The following CHST8 variants were observed in gnomAD, a reference collection of about 807,000 sequenced individuals.
CHST8 encodes GALNAC-4-ST1.
In CHST8, 10 loss-of-function variants were observed where a neutral mutation model predicts 15.0. That is an observed-to-expected ratio of 0.67 (90% CI 0.41 to 1.13). The LOEUF is 1.13. Among genes scored for constraint, CHST8 ranks in the 50% most tolerant of loss-of-function variants. CHST8 has a pLI of 0.00. For missense variants in CHST8, 634 were observed against 608.2 expected (o/e 1.04, Z -0.45); for synonymous variants, 259 against 256.6 (o/e 1.01, Z -0.09).
chr19:33,655,966 G>C (rs560310421), intron 1 of CHST8, among the ~76,000 whole-genome samples: 1 of 151,978 alleles, frequency 6.6e-6, no homozygotes, highest in African/African-American at 2.4e-5. Context: ...ATCTGTCCAG[G>C]TCATGTATTA....
At chr19:33,642,296 C>A (rs752081371) in intron 1 of CHST8, among the ~76,000 whole-genome samples, 1 of 151,604 alleles carries the variant, frequency 6.6e-6, no homozygotes, top group Non-Finnish European at 1.5e-5. Flanking sequence ...AGCAGAGGGC[C>A]CCCCCCCACT....
rs74829759 is a variant in CHST8 at position 33,707,733 on chromosome 19, T to C, written c.130+18342T>C. Among the ~76,000 whole-genome samples the C allele has an allele frequency of 6.0e-3, 907 of 152,362 alleles. 9 individuals are homozygous for C. The highest frequency in any genetic ancestry group is 0.021 in the African/African-American group (876 of 41,578). On this transcript the variant is annotated intron_variant, in intron 3 of 4. Transcript: ENST00000650847. The stretch of plus-strand genomic sequence containing the variant: ...CTATGAACATTCATGTGAAAGTTTT[T>C]ATGCAAACCTATGTTTTCATTTTTC...
At chr19:33,686,739 C>T (rs539253970) in intron 2 of CHST8, among the ~76,000 whole-genome samples, 11 of 152,356 alleles carry the variant, frequency 7.2e-5, no homozygotes, top group African/African-American at 2.6e-4. Context: ...AGGAAGCGCA[C>T]CCACACCGTG....
chr19:33,714,983 C>T (rs1973638285), intron 3 of CHST8, among the ~76,000 whole-genome samples: 1 of 152,186 alleles, frequency 6.6e-6, no homozygotes, highest in Non-Finnish European at 1.5e-5. Flanking sequence ...ATCCAGCCAG[C>T]CCCTCCCTCC....
intron 1 of CHST8, among the ~76,000 whole-genome samples, chr19:33,639,794 T>TA (rs1972255182): frequency 1.3e-5 from 2 of 152,018 alleles, no homozygotes; most frequent in South Asian, 4.2e-4. Context: ...CTTATGATTC[T>TA]AAAATCAGGG....
intron 2 of CHST8, among the ~76,000 whole-genome samples, chr19:33,671,292 C>T (rs767924703): frequency 3.3e-5 from 5 of 152,090 alleles, no homozygotes; most frequent in Admixed American, 2.0e-4. Flanking sequence ...TGAAAAGCAC[C>T]GATTTTCACA....
Position 33,643,995 on chromosome 19 carries a change from C to T in CHST8, c.-164+21699C>T, listed in dbSNP as rs543980611. ...TCACCCAGGCTGGAGTGCAGTGGCT[C>T]GATCTCAGCCCACTGCAACCTCCAC... On this transcript the variant is annotated intron_variant, in intron 1 of 4. Transcript: ENST00000650847. Among the ~76,000 whole-genome samples, 15 of 152,222 alleles carry T rather than the reference C, an allele frequency of 9.9e-5. No individual in the cohort carries two copies. The East Asian group carries it at 2.5e-3, about 25-fold the overall frequency.
intron 1 of CHST8, among the ~76,000 whole-genome samples, chr19:33,646,490 A>G (rs562266390): frequency 9.1e-4 from 138 of 152,346 alleles, no homozygotes; most frequent in African/African-American, 3.1e-3. Context: ...TGTTATCTAC[A>G]GGAGCAGTTG....
At chr19:33,678,364 T>C (rs1972837136) in intron 2 of CHST8, among the ~76,000 whole-genome samples, 1 of 152,134 alleles carries the variant, frequency 6.6e-6, no homozygotes, top group African/African-American at 2.4e-5. Flanking sequence ...CCAAGAGACT[T>C]TTGTTCTGCC....
At chr19:33,757,544 GA>G (rs1568358945) in intron 3 of CHST8, among the ~76,000 whole-genome samples, 1 of 105,222 alleles carries the variant, frequency 9.5e-6, no homozygotes, top group Admixed American at 9.5e-5. Context: ...AAGAAAGAAA[GA>G]AAGAAAGAAA....
intron 3 of CHST8, among the ~76,000 whole-genome samples, chr19:33,727,877 C>T (rs560382323): frequency 1.3e-5 from 2 of 152,378 alleles, no homozygotes; most frequent in South Asian, 2.1e-4. Context: ...TCGGCCTCCA[C>T]TGACTGCTGG....
intron 4 of CHST8, 116 bp downstream of exon 4, chr19:33,771,566 C>A (rs1004787819): frequency 1.3e-4 from 136 of 1,029,988 alleles, no homozygotes; most frequent in Non-Finnish European, 1.9e-4. Flanking sequence ...AAAATGTGTC[C>A]AGCCTTTCCC....
At chr19:33,751,504 C>T (rs188637266) in intron 3 of CHST8, among the ~76,000 whole-genome samples, 92 of 152,224 alleles carry the variant, frequency 6.0e-4, no homozygotes, top group African/African-American at 2.2e-3. Context: ...TCCCCAGGGA[C>T]CCAGTGTGGG....
At chr19:33,727,760 C>T (rs542815931) in intron 3 of CHST8, among the ~76,000 whole-genome samples, 1 of 152,236 alleles carries the variant, frequency 6.6e-6, no homozygotes, top group South Asian at 2.1e-4. Context: ...TGGATCTGCT[C>T]CCTGGAGAAG....
At chr19:33,634,435 A>T (rs1372114047) in intron 1 of CHST8, among the ~76,000 whole-genome samples, 3 of 152,124 alleles carry the variant, frequency 2.0e-5, no homozygotes, top group African/African-American at 7.2e-5. Flanking sequence ...CATTGTGGAA[A>T]CGTCTGGCAG....
intron 3 of CHST8, among the ~76,000 whole-genome samples, chr19:33,709,670 A>T (rs1292493568): frequency 1.3e-5 from 2 of 150,584 alleles, no homozygotes; most frequent in South Asian, 2.1e-4. Context: ...TGATGTCTTT[A>T]TCTGGCTTTG....
chr19:33,759,511 C>T (rs1380298768), intron 3 of CHST8, among the ~76,000 whole-genome samples: 15 of 152,166 alleles, frequency 9.9e-5, no homozygotes. Flanking sequence ...GCCTCTACCC[C>T]TCTTTCCCTG....
intron 3 of CHST8, among the ~76,000 whole-genome samples, chr19:33,717,968 C>G (rs1973693151): frequency 6.6e-6 from 1 of 152,164 alleles, no homozygotes; most frequent in South Asian, 2.1e-4. Flanking sequence ...GCAGTTCATT[C>G]TATACCAAAC....
chr19:33,689,394 G>T lies in CHST8; in HGVS notation c.130+3G>T. 1 of 1,586,544 alleles carries T rather than the reference G, an allele frequency of 6.3e-7. No homozygotes were observed. ...GCTCGCCCCCCAGCAGGTGCCAGGT[G>T]AGTCCTTGCGCTGAGTCCTGCCATC... On this transcript the variant is annotated splice_donor_region_variant and intron_variant, in intron 3 of 4. Transcript: ENST00000650847.
Sources: allele counts gnomAD v4.1 joint callset (sites outside exome capture counted in the v4.1 genomes callset), GRCh38; gene constraint gnomAD v4.1.1; transcripts MANE v1.5; gene names NCBI Gene and HGNC (gene_info 2026-07-23, HGNC 2026-07-21).